The following FUT8 variants were observed in gnomAD, a reference collection of about 807,000 sequenced individuals.
FUT8 encodes the protein alpha-(1,6)-fucosyltransferase.
Under a neutral mutation model 71.3 loss-of-function variants are expected in FUT8, and 29 were observed. That is an observed-to-expected ratio of 0.41 (90% CI 0.30 to 0.55). FUT8 has a LOEUF of 0.55. FUT8 is among the 20% of genes least tolerant of loss of function. FUT8 has a pLI of 0.34. For synonymous variants in FUT8, 254 were observed against 239.3 expected, an observed-to-expected ratio of 1.06 and a Z score of -0.57; for missense variants, 544 against 702.1, an observed-to-expected ratio of 0.77 and a Z score of 2.55.
the FUT8 span, among the ~76,000 whole-genome samples, chr14:65,388,659 G>GA: frequency 1.3e-5 from 2 of 152,152 alleles, no homozygotes; most frequent in African/African-American, 4.8e-5. Flanking sequence ...CTACTCAGGA[G>GA]GCTGAGGCAG....
At chr14:65,597,485 T>C (rs1215056287) in intron 3 of FUT8, among the ~76,000 whole-genome samples, 2 of 152,076 alleles carry the variant, frequency 1.3e-5, no homozygotes, top group Non-Finnish European at 2.9e-5. Context: ...TAGCCGGGCA[T>C]GGTGGTGGGC....
At chr14:65,737,401 A>G (rs1005191216) in intron 10 of FUT8, among the ~76,000 whole-genome samples, 1 of 152,122 alleles carries the variant, frequency 6.6e-6, no homozygotes, top group African/African-American at 2.4e-5. Context: ...TTTGAAAGCT[A>G]TGCAACTACA....
chr14:65,703,312 C>A (rs569812340), intron 7 of FUT8, among the ~76,000 whole-genome samples: 3 of 152,200 alleles, frequency 2.0e-5, no homozygotes, highest in African/African-American at 7.2e-5. Context: ...TCCCTCCTCC[C>A]ACTTGCATGC....
chr14:65,577,108 C>G (rs1886832225), intron 3 of FUT8, among the ~76,000 whole-genome samples: 1 of 152,068 alleles, frequency 6.6e-6, no homozygotes, highest in Non-Finnish European at 1.5e-5. Flanking sequence ...CCTCAGCCTT[C>G]CAAAGTGCTG....
In FUT8 at chr14:65,507,318, A is replaced by G. The variant is rs564237840; in HGVS notation, c.-228+51600A>G. Among the ~76,000 whole-genome samples the G allele has an allele frequency of 9.2e-5, 14 of 152,220 alleles. No homozygotes were observed. In the East Asian group the frequency reaches 1.2e-3, roughly 13 times the overall value. ...AAGATTTGTGTCTGTCTCTATAACTATCTTCAATATTTTTCCCACCAGCCT... is the reference window on the plus strand; with the variant it reads ...AAGATTTGTGTCTGTCTCTATAACTGTCTTCAATATTTTTCCCACCAGCCT... On this transcript the variant is annotated intron_variant, in intron 2 of 10. Coordinates refer to ENST00000673929, the MANE Select transcript of FUT8 (RefSeq NM_001371533.1).
intron 2 of FUT8, among the ~76,000 whole-genome samples, chr14:65,524,806 G>A (rs1304218958): frequency 6.6e-6 from 1 of 152,122 alleles, no homozygotes; most frequent in Admixed American, 6.5e-5. Context: ...TTTGTCAAAG[G>A]CCTTTTCTGC....
At chr14:65,712,790 A>G (rs566691650) in intron 7 of FUT8, among the ~76,000 whole-genome samples, 1 of 152,156 alleles carries the variant, frequency 6.6e-6, no homozygotes, top group Non-Finnish European at 1.5e-5. Flanking sequence ...TTCTGTGGGT[A>G]CATAGTAGGT....
intron 7 of FUT8, among the ~76,000 whole-genome samples, chr14:65,709,456 CTG>C (rs1472932371): frequency 6.6e-6 from 1 of 152,146 alleles, no homozygotes; most frequent in Non-Finnish European, 1.5e-5. Context: ...TTCAATCTTT[CTG>C]ATTACATCAA....
At chr14:65,516,335 A>G (rs1882706064) in intron 2 of FUT8, 2 of 152,234 alleles carry the variant, frequency 1.3e-5, no homozygotes, top group African/African-American at 4.8e-5. Context: ...AAATAAAATC[A>G]AAACTTAGTT....
intron 7 of FUT8, among the ~76,000 whole-genome samples, chr14:65,713,144 G>C (rs1894887833): frequency 6.6e-6 from 1 of 152,144 alleles, no homozygotes; most frequent in African/African-American, 2.4e-5. Flanking sequence ...ACAAATAAGT[G>C]AGAACATGCC....
the FUT8 span, among the ~76,000 whole-genome samples, chr14:65,361,501 A>T: frequency 6.6e-6 from 1 of 151,506 alleles, no homozygotes; most frequent in Non-Finnish European, 1.5e-5. Context: ...TTAAAAATAG[A>T]CTATGGCCGG....
intron 7 of FUT8, among the ~76,000 whole-genome samples, chr14:65,692,261 C>G (rs1214121188): frequency 7.0e-6 from 1 of 143,522 alleles, no homozygotes; most frequent in Non-Finnish European, 1.5e-5. Flanking sequence ...CCAGATGGGG[C>G]GGCTGGCCGG....
chr14:65,508,625 G>A (rs1215350807), intron 2 of FUT8, among the ~76,000 whole-genome samples: 1 of 145,972 alleles, frequency 6.9e-6, no homozygotes, highest in African/African-American at 2.5e-5. Context: ...CTCAGCCTCC[G>A]AAGTAGCTGG....
At chr14:65,456,589 A>C (rs937063207) in intron 2 of FUT8, among the ~76,000 whole-genome samples, 14 of 152,070 alleles carry the variant, frequency 9.2e-5, no homozygotes, top group African/African-American at 3.4e-4. Context: ...TCTTTAAAAA[A>C]TTTGGTGGGG....
chr14:65,679,481 A>T (rs1292328831), intron 7 of FUT8, among the ~76,000 whole-genome samples: 1 of 152,224 alleles, frequency 6.6e-6, no homozygotes, highest in Non-Finnish European at 1.5e-5. Context: ...GTCATAAATG[A>T]CCATCTTAGA....
At chr14:65,635,591 T>C (rs1445829382) in intron 6 of FUT8, among the ~76,000 whole-genome samples, 2 of 152,236 alleles carry the variant, frequency 1.3e-5, no homozygotes, top group Non-Finnish European at 1.5e-5. Context: ...ATTGAAATGG[T>C]CATGCAATTT....
the FUT8 span, among the ~76,000 whole-genome samples, chr14:65,391,395 G>T: frequency 6.6e-6 from 1 of 152,064 alleles, no homozygotes. Context: ...CACTCTTGTT[G>T]CCCAGGCTGC....
At chr14:65,469,844 G>A (rs936137713) in intron 2 of FUT8, among the ~76,000 whole-genome samples, 3 of 152,214 alleles carry the variant, frequency 2.0e-5, no homozygotes, top group African/African-American at 7.2e-5. Context: ...GACCTCAGTG[G>A]GGAGGAAGTG....
At chr14:65,384,894 A>C in the FUT8 span, among the ~76,000 whole-genome samples, 1 of 136,826 alleles carries the variant, frequency 7.3e-6, no homozygotes, top group Admixed American at 7.4e-5. The surrounding 1 kb of genome is among the most constrained non-coding windows in gnomAD (Gnocchi z 4.2). Flanking sequence ...TAGGTTAGAT[A>C]CTTTTTTTTT....
Sources: gnomAD v4.1 joint callset for allele counts (sites outside exome capture counted in the v4.1 genomes callset) on GRCh38, gnomAD v4.1.1 for gene constraint, Gnocchi (gnomAD v3.1) non-coding constraint, MANE v1.5 for transcripts, NCBI Gene and HGNC (gene_info 2026-07-23, HGNC 2026-07-21) for gene names.